ZNF804B: variants seen among roughly 807,000 people sequenced by gnomAD.
The protein encoded by ZNF804B is zinc finger 804B.
In ZNF804B, 80 loss-of-function variants were observed where a neutral mutation model predicts 101.4. The ratio of observed to expected loss-of-function variants is 0.79; its 90% confidence interval spans 0.66 to 0.95. The LOEUF is 0.95. ZNF804B is among the 40% of genes least tolerant of loss of function. The probability of loss-of-function intolerance (pLI) is 0.00; values close to 1 mark genes in which losing one functional copy is unlikely to be tolerated. For missense variants in ZNF804B, 1,673 were observed against 1,561.9 expected (o/e 1.07, Z -1.20); for synonymous variants, 622 against 558.8 (o/e 1.11, Z -1.59).
At chr7:89,012,327 T>C (rs1788478371) in intron 1 of ZNF804B, among the ~76,000 whole-genome samples, 1 of 152,162 alleles carries the variant, frequency 6.6e-6, no homozygotes, top group Admixed American at 6.5e-5. Context: ...ATTTTCCCCA[T>C]TGTCTTGGTG....
At chr7:89,012,871 C>A (rs575846808) in intron 1 of ZNF804B, among the ~76,000 whole-genome samples, 4 of 152,108 alleles carry the variant, frequency 2.6e-5, no homozygotes, top group African/African-American at 7.2e-5. Context: ...TGAATAAATA[C>A]GCAAGACTGG....
At chr7:89,044,054 C>T (rs1286342515) in intron 1 of ZNF804B, among the ~76,000 whole-genome samples, 3 of 152,098 alleles carry the variant, frequency 2.0e-5, no homozygotes, top group South Asian at 2.1e-4. Flanking sequence ...TGAAATAAGC[C>T]AGACACAGAA....
intron 2 of ZNF804B, among the ~76,000 whole-genome samples, chr7:89,324,542 T>C (rs1790868012): frequency 2.0e-5 from 3 of 150,850 alleles, no homozygotes; most frequent in Non-Finnish European, 4.4e-5. Flanking sequence ...ATTATTATTA[T>C]GTTTAAATTT....
chr7:89,045,603 A>C (rs1178019867), intron 1 of ZNF804B, among the ~76,000 whole-genome samples: 2 of 152,224 alleles, frequency 1.3e-5, no homozygotes, highest in Admixed American at 1.3e-4. Flanking sequence ...ATGGAGTCCA[A>C]GGAGATCATT....
chr7:89,248,018 G>A (rs1483871860), intron 2 of ZNF804B, among the ~76,000 whole-genome samples: 1 of 152,112 alleles, frequency 6.6e-6, no homozygotes, highest in Admixed American at 6.5e-5. Context: ...CTTGCAGACT[G>A]GTCTTTTGGA....
At chr7:89,171,288 G>GCTGCTTCTTCTTCTTCTTCTT (rs1215246589) in intron 1 of ZNF804B, among the ~76,000 whole-genome samples, 12 of 82,482 alleles carry the variant, frequency 1.5e-4, no homozygotes, top group Admixed American at 4.7e-4. Context: ...TGCTGCTGCT[G>GCTGCTTCTTCTTCTTCTTCTT]CTTCTTCTTC....
At chr7:89,296,967 CTACT>C (rs1312876353) in intron 2 of ZNF804B, among the ~76,000 whole-genome samples, 1 of 152,010 alleles carries the variant, frequency 6.6e-6, no homozygotes, top group Non-Finnish European at 1.5e-5. Context: ...TCAAATATGA[CTACT>C]TATAGTTTTT....
rs372751469 is a variant in ZNF804B at position 88,969,341 on chromosome 7, GC to G, written c.108+209259del. Among the ~76,000 whole-genome samples the G allele has an allele frequency of 4.8e-3, 721 of 151,656 alleles. 7 individuals carry two copies. The highest frequency in any genetic ancestry group is 0.017 in the African/African-American group (686 of 41,462). On this transcript the variant is annotated intron_variant, in intron 1 of 3. Coordinates refer to ENST00000333190, the MANE Select transcript of ZNF804B (RefSeq NM_181646.5). ...TAAAACATCAAGGTGCATTTACTTTGCCTTGTATAAGAAATTGATGAGTATG... is the reference window on the plus strand; with the variant it reads ...TAAAACATCAAGGTGCATTTACTTTGCTTGTATAAGAAATTGATGAGTATG...
intron 1 of ZNF804B, among the ~76,000 whole-genome samples, chr7:88,938,352 GA>G (rs1396639514): frequency 3.9e-5 from 6 of 152,016 alleles, no homozygotes; most frequent in Admixed American, 2.6e-4. Flanking sequence ...GGGTCTGGAA[GA>G]AAAAGATCTA....
intron 1 of ZNF804B, among the ~76,000 whole-genome samples, chr7:89,157,513 A>G (rs1344627404): frequency 1.3e-5 from 2 of 152,118 alleles, no homozygotes; most frequent in African/African-American, 2.4e-5. Context: ...TTTGATGAAC[A>G]TATTCTTTGA....
At chr7:89,316,791 CTT>C (rs1790732079) in intron 2 of ZNF804B, among the ~76,000 whole-genome samples, 3 of 152,100 alleles carry the variant, frequency 2.0e-5, no homozygotes, top group African/African-American at 7.2e-5. Flanking sequence ...GTGGTCTTTA[CTT>C]AAAAGAGAGC....
chr7:89,136,734 TGA>T (rs1316139654), intron 1 of ZNF804B, among the ~76,000 whole-genome samples: 5 of 109,188 alleles, frequency 4.6e-5, no homozygotes, highest in Non-Finnish European at 8.9e-5. Flanking sequence ...TGTGTGTGTG[TGA>T]GTGTGTGTGT....
intron 1 of ZNF804B, among the ~76,000 whole-genome samples, chr7:89,123,171 T>TA (rs1018460299): frequency 7.9e-5 from 11 of 139,968 alleles, no homozygotes; most frequent in African/African-American, 3.0e-4. Flanking sequence ...TTTTTTTTTT[T>TA]AATGTAGAGA....
chr7:88,768,337 G>A (rs567173648), intron 1 of ZNF804B, among the ~76,000 whole-genome samples: 12 of 152,302 alleles, frequency 7.9e-5, no homozygotes, highest in African/African-American at 2.6e-4. Context: ...ATTGGGGCTA[G>A]CTCTACAGTT....
intron 1 of ZNF804B, among the ~76,000 whole-genome samples, chr7:89,061,202 T>G (rs1328861682): frequency 4.6e-5 from 7 of 152,176 alleles, no homozygotes; most frequent in African/African-American, 1.4e-4. Context: ...GCCTATAAAG[T>G]GTTCTGTTGT....
At chr7:88,997,334 A>G (rs1420731617) in intron 1 of ZNF804B, among the ~76,000 whole-genome samples, 2 of 152,128 alleles carry the variant, frequency 1.3e-5, no homozygotes, top group Non-Finnish European at 2.9e-5. Flanking sequence ...TAACTTAACA[A>G]GTCTTATTTT....
chr7:89,254,068 T>C (rs1368514388), intron 2 of ZNF804B, among the ~76,000 whole-genome samples: 2 of 152,188 alleles, frequency 1.3e-5, no homozygotes, highest in African/African-American at 4.8e-5. Context: ...TCTTTTAAAA[T>C]TGTGAACAAG....
chr7:88,809,604 G>A (rs1562799886), intron 1 of ZNF804B, among the ~76,000 whole-genome samples: 1 of 152,146 alleles, frequency 6.6e-6, no homozygotes, highest in Non-Finnish European at 1.5e-5. Flanking sequence ...GGTAAGTCAG[G>A]TTTTGAATTT....
intron 1 of ZNF804B, among the ~76,000 whole-genome samples, chr7:88,792,850 AT>A (rs1019663910): frequency 2.0e-5 from 3 of 152,118 alleles, no homozygotes; most frequent in Non-Finnish European, 4.4e-5. Flanking sequence ...GTATTACAAA[AT>A]TTGGAAAATA....
Sources: allele counts gnomAD v4.1 joint callset (sites outside exome capture counted in the v4.1 genomes callset), GRCh38; gene constraint gnomAD v4.1.1; transcripts MANE v1.5; gene names NCBI Gene and HGNC (gene_info 2026-07-23, HGNC 2026-07-21).